The following NCAM2 variants were observed in gnomAD, a reference collection of about 807,000 sequenced individuals.
NCAM2 encodes the protein N-CAM-2.
Under a neutral mutation model 98.1 loss-of-function variants are expected in NCAM2, and 30 were observed. That is an observed-to-expected ratio of 0.31 (90% CI 0.23 to 0.41). NCAM2 has a LOEUF of 0.41. Among genes scored for constraint, NCAM2 ranks in the 10% least tolerant of loss-of-function variants. The probability of loss-of-function intolerance (pLI) is 1.00; values close to 1 mark genes in which losing one functional copy is unlikely to be tolerated. For missense variants in NCAM2, 867 were observed against 1,005.8 expected (o/e 0.86, Z 1.87); for synonymous variants, 368 against 342.4 (o/e 1.07, Z -0.83).
chr21:21,119,574 T>A (rs1296976473), intron 1 of NCAM2, among the ~76,000 whole-genome samples: 1 of 124,320 alleles, frequency 8.0e-6, no homozygotes, highest in African/African-American at 3.0e-5. Flanking sequence ...ATGTATCAAC[T>A]AATTATATGT....
intron 12 of NCAM2, among the ~76,000 whole-genome samples, chr21:21,436,694 C>T (rs930521795): frequency 2.6e-5 from 4 of 151,626 alleles, no homozygotes; most frequent in Non-Finnish European, 4.4e-5. Flanking sequence ...TATAGCACCT[C>T]TGACTGGGTC....
chr21:21,186,750 TGAA>T (rs1369992575), intron 1 of NCAM2, among the ~76,000 whole-genome samples: 9 of 152,126 alleles, frequency 5.9e-5, no homozygotes, highest in African/African-American at 1.9e-4. Context: ...TACATGATGA[TGAA>T]GAATAGCTTT....
At chr21:21,387,920 T>G (rs559855265) in intron 9 of NCAM2, among the ~76,000 whole-genome samples, 1 of 152,292 alleles carries the variant, frequency 6.6e-6, no homozygotes, top group East Asian at 1.9e-4. Flanking sequence ...GTGAGACACA[T>G]CAGTCAGCTT....
At chr21:21,053,481 G>T (rs746244677) in intron 1 of NCAM2, among the ~76,000 whole-genome samples, 1 of 151,592 alleles carries the variant, frequency 6.6e-6, no homozygotes, top group Non-Finnish European at 1.5e-5. Flanking sequence ...TTTGTGTGTT[G>T]TCTTTGTTTT....
intron 1 of NCAM2, among the ~76,000 whole-genome samples, chr21:21,068,815 A>G (rs1189152795): frequency 1.3e-5 from 2 of 152,042 alleles, no homozygotes; most frequent in East Asian, 1.9e-4. Context: ...ACTTTTTCCA[A>G]GTTGTTAATA....
At chr21:21,111,770 G>A (rs1258296390) in intron 1 of NCAM2, among the ~76,000 whole-genome samples, 7 of 151,968 alleles carry the variant, frequency 4.6e-5, no homozygotes, top group African/African-American at 1.5e-4. Context: ...GAGGTAGCGG[G>A]GGTCGTTTCA....
intron 1 of NCAM2, among the ~76,000 whole-genome samples, chr21:21,032,390 T>C (rs1453161542): frequency 6.6e-6 from 1 of 152,202 alleles, no homozygotes; most frequent in Non-Finnish European, 1.5e-5. Flanking sequence ...TCCCTTATAA[T>C]GTAGGCTAAT....
intron 16 of NCAM2, among the ~76,000 whole-genome samples, chr21:21,514,420 G>T (rs1212342955): frequency 7.0e-6 from 1 of 143,402 alleles, no homozygotes; most frequent in Non-Finnish European, 1.5e-5. Flanking sequence ...AAGTTGCAGT[G>T]AGCCATTGTA....
intron 1 of NCAM2, among the ~76,000 whole-genome samples, chr21:21,258,633 G>C (rs2071767205): frequency 6.6e-6 from 1 of 152,130 alleles, no homozygotes; most frequent in Non-Finnish European, 1.5e-5. Flanking sequence ...AGAGAACCAG[G>C]TGGCTGGCTT....
chr21:21,184,613 G>C (rs2068580051), intron 1 of NCAM2, among the ~76,000 whole-genome samples: 1 of 152,066 alleles, frequency 6.6e-6, no homozygotes, highest in Admixed American at 6.6e-5. Context: ...AACTAATCCA[G>C]ACCTCTATAG....
At chr21:21,348,470 T>C (rs1367039031) in intron 8 of NCAM2, among the ~76,000 whole-genome samples, 1 of 151,982 alleles carries the variant, frequency 6.6e-6, no homozygotes, top group Non-Finnish European at 1.5e-5. Flanking sequence ...AATGGAAAAA[T>C]ATTGTATGTT....
At chr21:21,407,257 G>A (rs903299398) in intron 9 of NCAM2, among the ~76,000 whole-genome samples, 1 of 152,186 alleles carries the variant, frequency 6.6e-6, no homozygotes, top group African/African-American at 2.4e-5. Flanking sequence ...TATTTACAAA[G>A]CATATCCTGT....
intron 5 of NCAM2, among the ~76,000 whole-genome samples, chr21:21,321,934 G>A (rs1463672495): frequency 2.6e-5 from 4 of 152,156 alleles, no homozygotes; most frequent in African/African-American, 7.2e-5. Flanking sequence ...AAGCAGAACT[G>A]CCATTTGAGC....
intron 11 of NCAM2, among the ~76,000 whole-genome samples, chr21:21,419,775 G>C (rs2077073597): frequency 6.6e-6 from 1 of 152,044 alleles, no homozygotes. Context: ...GGACACTTGG[G>C]TTGGTTCCAA....
intron 1 of NCAM2, among the ~76,000 whole-genome samples, chr21:21,044,328 T>G (rs2064967108): frequency 6.6e-6 from 1 of 152,192 alleles, no homozygotes. Flanking sequence ...TTATAGCAGA[T>G]TTGTGCTCAA....
At chr21:21,420,826 T>G (rs2077096014) in intron 11 of NCAM2, among the ~76,000 whole-genome samples, 1 of 151,828 alleles carries the variant, frequency 6.6e-6, no homozygotes, top group South Asian at 2.1e-4. Flanking sequence ...TTTAGAAATG[T>G]GAAGAGACTG....
chr21:21,338,682 T>C lies in NCAM2; in HGVS notation c.1044+148T>C. Reference sequence around the variant, plus strand: ...ATTTTTAAAAAGGTAACTAACACAATGTCGGCTTTACCACTTTCGTGGGAG... The same window carrying C: ...ATTTTTAAAAAGGTAACTAACACAACGTCGGCTTTACCACTTTCGTGGGAG... On this transcript the variant is annotated intron_variant, in intron 8 of 17. Transcript: ENST00000400546. The C allele has an allele frequency of 6.1e-6, 5 of 819,614 alleles. No homozygotes were observed. The South Asian group carries it at 1.0e-4, about 17-fold the overall frequency. The allele number at this position is 819,614 out of a possible 1,614,324, so 50.8% of individuals were successfully genotyped here. A position where few individuals can be genotyped will look rare whatever the true frequency, so the allele number is the denominator to read the frequency against.
intron 9 of NCAM2, among the ~76,000 whole-genome samples, chr21:21,398,889 GA>G (rs2076571156): frequency 6.6e-6 from 1 of 152,198 alleles, no homozygotes; most frequent in African/African-American, 2.4e-5. Flanking sequence ...AGCCAAACAT[GA>G]GAGATGAGAG....
At chr21:21,219,418 T>C (rs568109544) in intron 1 of NCAM2, among the ~76,000 whole-genome samples, 1 of 152,188 alleles carries the variant, frequency 6.6e-6, no homozygotes, top group South Asian at 2.1e-4. Context: ...TAGTCAACCA[T>C]GGACTGCGTA....
Sources: gnomAD v4.1 joint callset for allele counts (sites outside exome capture counted in the v4.1 genomes callset) on GRCh38, gnomAD v4.1.1 for gene constraint, MANE v1.5 for transcripts, NCBI Gene and HGNC (gene_info 2026-07-23, HGNC 2026-07-21) for gene names.